Variants in CC2D1A observed in about 807,000 individuals in gnomAD.
The protein encoded by CC2D1A is coiled-coil and C2 domain-containing protein 1A.
CC2D1A carries 68 observed loss-of-function variants against 123.8 expected under a neutral mutation model. The ratio of observed to expected loss-of-function variants is 0.55; its 90% CI spans 0.45 to 0.67. CC2D1A has a LOEUF of 0.67. Ranked by LOEUF, CC2D1A falls within the 30% of genes least tolerant of loss-of-function variation. The pLI, the probability that CC2D1A is intolerant of heterozygous loss-of-function variation, is 0.00. For missense variants in CC2D1A, 1,185 were observed against 1,290.3 expected, an observed-to-expected ratio of 0.92 and a Z score of 1.25; for synonymous variants, 477 against 528.0, an observed-to-expected ratio of 0.90 and a Z score of 1.32.
Position 13,906,280 on chromosome 19 carries a change from G to A in CC2D1A, c.-162G>A. On this transcript the variant is annotated 5_prime_UTR_variant, in exon 1 of 29. Transcript: ENST00000318003. This position sits in a 1 kb window ranked among gnomAD's most constrained non-coding sequence, Gnocchi z 4.1. Reference sequence around the variant, plus strand: ...GCGCCCGAGGCCCGAGGCGGAAGTGGGACGGCCAAGCAGGGAAGCGAGGGC... The same window carrying A: ...GCGCCCGAGGCCCGAGGCGGAAGTGAGACGGCCAAGCAGGGAAGCGAGGGC... 1 of 513,932 alleles carries A rather than the reference G, an allele frequency of 1.9e-6. No individual in the cohort carries two copies. Among genetic ancestry groups the A allele is most frequent in the Non-Finnish European group, 3.2e-6 (1 of 311,420 alleles). 31.8% of individuals were successfully genotyped at this position (513,932 alleles called of 1,614,324 possible).
chr19:13,906,230 C>T lies in CC2D1A; in HGVS notation c.-212C>T. ...TTTCGGCTCGGCAGACCCGGCGAGC[C>T]CAGTGGCCGCGCTCCGGTGCGGCGG... On this transcript the variant is annotated 5_prime_UTR_variant, in exon 1 of 29. Coordinates refer to ENST00000318003, the MANE Select transcript of CC2D1A (RefSeq NM_017721.5). This position sits in a 1 kb window ranked among gnomAD's most constrained non-coding sequence, Gnocchi z 4.1. The T allele has an allele frequency of 2.2e-6, 1 of 446,194 alleles. No homozygotes were observed. Among genetic ancestry groups the T allele is most frequent in the Non-Finnish European group, 4.0e-6 (1 of 252,420 alleles). 27.6% of individuals were successfully genotyped at this position (446,194 alleles called of 1,614,324 possible).
chr19:13,912,325 C>A lies in CC2D1A; in HGVS notation c.199C>A (p.Pro67Thr). 1 of 1,598,570 alleles carries A rather than the reference C, an allele frequency of 6.3e-7. No homozygotes were observed. Among genetic ancestry groups the A allele is most frequent in the Admixed American group, 1.7e-5 (1 of 57,218 alleles). ...CTGGGGCATCCCCCTACCGCCAGGT[C>A]CCTTGCCGATGGAGGCCATTGAGAA... ...PALEKLKGKGPLPMEAIEKMA... is the reference protein window; with the variant it reads ...PALEKLKGKGTLPMEAIEKMA... The change falls in exon 3 of 29, where the codon CCC becomes ACC. Residue 67 changes from proline to threonine, a missense_variant and splice_region_variant. Coordinates refer to ENST00000318003, the MANE Select transcript of CC2D1A (RefSeq NM_017721.5).
At chr19:13,917,333 A>T (rs1244376787) in intron 6 of CC2D1A, among the ~76,000 whole-genome samples, 2 of 152,160 alleles carry the variant, frequency 1.3e-5, no homozygotes, top group Non-Finnish European at 2.9e-5. Context: ...CCAGCCGGGC[A>T]TGCAGGTGCA....
rs1012632820 is a variant in CC2D1A at position 13,930,727 on chromosome 19, C to G, written c.*332C>G. ...AGGGCCCCTGCAAGCACTTTACTTCCTGTTCCTCCCCAGCCTTAACCCCAA... is the reference window on the plus strand; with the variant it reads ...AGGGCCCCTGCAAGCACTTTACTTCGTGTTCCTCCCCAGCCTTAACCCCAA... On this transcript the variant is annotated 3_prime_UTR_variant, in exon 29 of 29. Transcript: ENST00000318003. This position sits in a 1 kb window ranked among gnomAD's most constrained non-coding sequence, Gnocchi z 6.8. The G allele has an allele frequency of 2.3e-6, 1 of 437,594 alleles. No homozygotes were observed. Among genetic ancestry groups the G allele is most frequent in the African/African-American group, 2.0e-5 (1 of 49,858 alleles). 27.1% of individuals were successfully genotyped at this position (437,594 alleles called of 1,614,324 possible). A position where few individuals can be genotyped will look rare whatever the true frequency, so the allele number is the denominator to read the frequency against.
In CC2D1A at chr19:13,923,228, C is replaced by A; in HGVS notation, c.1642-105C>A. 1 of 1,363,154 alleles carries A rather than the reference C, an allele frequency of 7.3e-7. No individual in the cohort carries two copies. Among genetic ancestry groups the A allele is most frequent in the Non-Finnish European group, 9.9e-7 (1 of 1,010,218 alleles). The allele number at this position is 1,363,154 out of a possible 1,614,324, so 84.4% of individuals were successfully genotyped here. A position where few individuals can be genotyped will look rare whatever the true frequency, so the allele number is the denominator to read the frequency against. On this transcript the variant is annotated intron_variant, in intron 14 of 28. Coordinates refer to ENST00000318003, the MANE Select transcript of CC2D1A (RefSeq NM_017721.5). The surrounding 1 kb of genome is among the most constrained non-coding windows in gnomAD (Gnocchi z 5.3). ...AAAGACCAGAGAAGGGTGACAGAGC[C>A]GTGGTCAGGGAATGCCCCTCGTCAA...
chr19:13,913,088 C>T, intron 4 of CC2D1A, 80 bp from the exon 5 acceptor site: 1 of 1,413,380 alleles, frequency 7.1e-7, no homozygotes, highest in Non-Finnish European at 9.4e-7. Context: ...TGACATGGGG[C>T]CGACTGTTAC....
At chr19:13,927,757 G>C in intron 22 of CC2D1A, 136 bp from the exon 23 acceptor site, 1 of 929,048 alleles carries the variant, frequency 1.1e-6, no homozygotes, top group South Asian at 1.6e-5. Flanking sequence ...ACTCCAGCCT[G>C]GACAACAGAG....
chr19:13,912,872 C>T (rs903533498), intron 4 of CC2D1A, among the ~76,000 whole-genome samples: 3 of 152,150 alleles, frequency 2.0e-5, no homozygotes, highest in Non-Finnish European at 2.9e-5. Context: ...CAGGCTGGTC[C>T]TGACCTCAAG....
intron 4 of CC2D1A, 114 bp from the exon 5 acceptor site, chr19:13,913,054 G>A (rs1599382346): frequency 8.9e-6 from 10 of 1,128,614 alleles, no homozygotes; most frequent in African/African-American, 1.6e-5. Flanking sequence ...TGCCTCACTG[G>A]GGCAGGGGAG....
chr19:13,911,706 ATTTTTTTTTT>A (rs1055273535), intron 2 of CC2D1A, among the ~76,000 whole-genome samples: 1 of 88,552 alleles, frequency 1.1e-5, no homozygotes, highest in Non-Finnish European at 2.0e-5. Flanking sequence ...TGCCCAGCTA[ATTTTTTTTTT>A]TTTTTTTTTT....
chr19:13,924,651 G>T (rs1971529555), intron 17 of CC2D1A, among the ~76,000 whole-genome samples: 1 of 152,130 alleles, frequency 6.6e-6, no homozygotes, highest in Admixed American at 6.6e-5. Context: ...TGTATTTTTA[G>T]TAGAGACGGG....
In CC2D1A at chr19:13,927,195, G is replaced by C. The variant is rs375326941; in HGVS notation, c.2246G>C (p.Arg749Pro). The stretch of plus-strand genomic sequence containing the variant: ...CACAGGGGGCTGTTCAAGACTGACC[G>C]GGTGCTGGGGACAGCCCAGCTGAAG... Reference protein sequence around the residue: ...VHKGGLFKTDRVLGTAQLKLD... With the variant: ...VHKGGLFKTDPVLGTAQLKLD... The change falls in exon 22 of 29, where the codon CGG becomes CCG. Residue 749 changes from arginine to proline, a missense_variant. Transcript: ENST00000318003. The C allele has an allele frequency of 6.2e-7, 1 of 1,614,024 alleles. No individual in the cohort carries two copies. The highest frequency in any genetic ancestry group is 8.5e-7 in the Non-Finnish European group (1 of 1,179,988).
intron 8 of CC2D1A, 46 bp from the exon 9 acceptor site, chr19:13,918,700 G>A (rs1971294191): frequency 1.3e-6 from 2 of 1,591,096 alleles, no homozygotes; most frequent in Non-Finnish European, 1.7e-6. Flanking sequence ...CTTGTCGGGG[G>A]TGCAGCTAAC....
rs770898480 is a variant in CC2D1A, at chr19:13,920,784, G to A, written c.1503G>A (p.Lys501=). ...AGCTGGCCTTCCTAGAGGGCCGCAA[G>A]AAGCAGCTCCTGCAGGCCGCACTGC... ...QQQLAFLEGR[K]KQLLQAALRA... is the part of the protein sequence containing the mutation. Residue 501 remains lysine, a synonymous_variant, in exon 14 of 29, where the codon AAG becomes AAA. Coordinates refer to ENST00000318003, the MANE Select transcript of CC2D1A (RefSeq NM_017721.5). 1.9e-6 allele frequency: 3 copies of A among 1,613,964 alleles called. No individual in the cohort carries two copies. In the South Asian group the frequency reaches 3.3e-5, roughly 18 times the overall value.
chr19:13,927,511 G>C, intron 22 of CC2D1A: 1 of 526,970 alleles, frequency 1.9e-6, no homozygotes, highest in East Asian at 3.3e-5. Context: ...AGGCATGGTG[G>C]CTCATGCCTG....
Position 13,923,746 on chromosome 19 carries a change from A to C in CC2D1A, c.1875A>C (p.Gln625His). 1 of 1,614,192 alleles carries C rather than the reference A, an allele frequency of 6.2e-7. No individual in the cohort carries two copies. The highest frequency in any genetic ancestry group is 8.5e-7 in the Non-Finnish European group (1 of 1,180,014). ...AGCGGAGCATGGACATTCTGAAGCAAGCCTTCGTCCGGGGTCTCCCCACGC... is the reference window on the plus strand; with the variant it reads ...AGCGGAGCATGGACATTCTGAAGCACGCCTTCGTCCGGGGTCTCCCCACGC... The part of the protein sequence containing the change: ...DCKRSMDILK[Q>H]AFVRGLPTPT... Residue 625 changes from glutamine to histidine, a missense_variant, in exon 17 of 29, where the codon CAA becomes CAC. By Grantham distance (24) the Gln-to-His change is conservative. Transcript: ENST00000318003. This position sits in a 1 kb window ranked among gnomAD's most constrained non-coding sequence, Gnocchi z 5.3.
Position 13,927,917 on chromosome 19 carries a change from G to T in CC2D1A, c.2341G>T (p.Gly781Trp). ...GGTCCTGGATGGTCGCCGGCCCACA[G>T]GGGGGCGACTGGAGGTAATGGTCCG... The part of the protein sequence containing the change: ...LEVLDGRRPT[G>W]GRLEVMVRIR... The change falls in exon 23 of 29, where the codon GGG (glycine) becomes TGG (tryptophan). Residue 781 changes from glycine (G) to tryptophan (W), a missense_variant. By Grantham distance (184) the Gly-to-Trp change is radical. Transcript: ENST00000318003. 1 of 1,613,540 alleles carries T rather than the reference G, an allele frequency of 6.2e-7. No individual in the cohort carries two copies. Among genetic ancestry groups the T allele is most frequent in the Non-Finnish European group, 8.5e-7 (1 of 1,179,978 alleles).
rs1207157383 is a variant in CC2D1A at position 13,923,503 on chromosome 19, C to A, written c.1765-45C>A. ...ATCCCCCAGGAGCGTGACCCTCCTT[C>A]CCCTCTCTTCCCTTCCCTCGACTCA... On this transcript the variant is annotated intron_variant, in intron 15 of 28. Transcript: ENST00000318003. The surrounding 1 kb of genome is among the most constrained non-coding windows in gnomAD (Gnocchi z 5.3). 1 of 1,612,840 alleles carries A rather than the reference C, an allele frequency of 6.2e-7. No individual in the cohort carries two copies. The highest frequency in any genetic ancestry group is 1.3e-5 in the African/African-American group (1 of 74,990).
Position 13,920,669 on chromosome 19 carries a change from G to C in CC2D1A, c.1468+1G>C. ...CCCCCCAAAGCCACATCCACCAGAGGTAAGTTCCCCCTCCCCGCCCCAGCT... is the reference window on the plus strand; with the variant it reads ...CCCCCCAAAGCCACATCCACCAGAGCTAAGTTCCCCCTCCCCGCCCCAGCT... On this transcript the variant is annotated splice_donor_variant, in intron 13 of 28. Transcript: ENST00000318003. LOFTEE classifies it high-confidence loss of function. 6 of 1,608,416 alleles carry C rather than the reference G, an allele frequency of 3.7e-6. No individual in the cohort carries two copies. Among genetic ancestry groups the C allele is most frequent in the Non-Finnish European group, 5.1e-6 (6 of 1,176,956 alleles).
Sources: gnomAD v4.1 joint callset for allele counts (sites outside exome capture counted in the v4.1 genomes callset) on GRCh38, gnomAD v4.1.1 for gene constraint, Gnocchi (gnomAD v3.1) non-coding constraint, MANE v1.5 for transcripts, NCBI Gene and HGNC (gene_info 2026-07-23, HGNC 2026-07-21) for gene names.